Variants in NEMP2 observed in about 807,000 individuals in gnomAD.
NEMP2 encodes nuclear envelope integral membrane protein 2.
Under a neutral mutation model 54.2 loss-of-function variants are expected in NEMP2, and 53 were observed. The ratio of observed to expected loss-of-function variants is 0.98; its 90% CI spans 0.78 to 1.23. The LOEUF is 1.23. Ranked by LOEUF, NEMP2 falls within the 50% of genes most tolerant of loss-of-function variation. NEMP2 has a pLI of 0.00. For synonymous variants in NEMP2, 197 were observed against 190.3 expected, an observed-to-expected ratio of 1.04 and a Z score of -0.29; for missense variants, 455 against 511.3, an observed-to-expected ratio of 0.89 and a Z score of 1.06.
At chr2:190,534,287 T>C (rs12622496) in intron 1 of NEMP2, 307,537 of 1,162,904 alleles carry the variant, frequency 0.26, 42,629 homozygotes, top group Admixed American at 0.48. Flanking sequence ...CGGTTGCTTC[T>C]GTAAAACGAG....
the NEMP2 span, among the ~76,000 whole-genome samples, chr2:190,431,030 TCGCGGCCGGG>T: frequency 1.0e-5 from 1 of 99,402 alleles, no homozygotes; most frequent in South Asian, 3.3e-4. This position sits in a 1 kb window ranked among gnomAD's most constrained non-coding sequence, Gnocchi z 4.4. Context: ...CCAGACGGGG[TCGCGGCCGGG>T]CAGAGGCGCT....
At chr2:190,497,407 A>C in the NEMP2 span, 2 of 1,599,714 alleles carry the variant, frequency 1.3e-6, no homozygotes, top group Non-Finnish European at 1.7e-6. This position sits in a 1 kb window ranked among gnomAD's most constrained non-coding sequence, Gnocchi z 5.2. Flanking sequence ...GAAAATGCTG[A>C]AAAAATAGTT....
At chr2:190,546,975 G>A in the NEMP2 span, among the ~76,000 whole-genome samples, 1 of 152,142 alleles carries the variant, frequency 6.6e-6, no homozygotes, top group East Asian at 1.9e-4. This position sits in a 1 kb window ranked among gnomAD's most constrained non-coding sequence, Gnocchi z 5.1. Flanking sequence ...GAAAAAGGCC[G>A]TCCTTGCTGC....
At chr2:190,552,934 T>C in the NEMP2 span, among the ~76,000 whole-genome samples, 1 of 152,164 alleles carries the variant, frequency 6.6e-6, no homozygotes, top group Non-Finnish European at 1.5e-5. Context: ...AAAATATCTG[T>C]GTCCTAGAAC....
chr2:190,588,614 G>A, the NEMP2 span, among the ~76,000 whole-genome samples: 1 of 152,144 alleles, frequency 6.6e-6, no homozygotes, highest in African/African-American at 2.4e-5. The surrounding 1 kb of genome is among the most constrained non-coding windows in gnomAD (Gnocchi z 5.0). Flanking sequence ...CTGACCTTGT[G>A]GATGGGGTCC....
At chr2:190,439,525 G>A in the NEMP2 span, among the ~76,000 whole-genome samples, 4 of 152,132 alleles carry the variant, frequency 2.6e-5, no homozygotes, top group Middle Eastern at 3.2e-3. The surrounding 1 kb of genome is among the most constrained non-coding windows in gnomAD (Gnocchi z 5.8). Context: ...CCTTTTGTCT[G>A]AGACATATGC....
At chr2:190,472,231 C>CTGGACAGA in the NEMP2 span, among the ~76,000 whole-genome samples, 2 of 152,224 alleles carry the variant, frequency 1.3e-5, no homozygotes, top group Non-Finnish European at 2.9e-5. Context: ...TGGAACAAAG[C>CTGGACAGA]TGGACAGAGA....
At chr2:190,524,425 C>A (rs1690859520) in intron 2 of NEMP2, among the ~76,000 whole-genome samples, 1 of 152,130 alleles carries the variant, frequency 6.6e-6, no homozygotes, top group Non-Finnish European at 1.5e-5. Context: ...ACAAACACTA[C>A]CTTAACCATG....
At chr2:190,517,375 A>G in intron 5 of NEMP2, 145 bp downstream of exon 5, 1 of 594,706 alleles carries the variant, frequency 1.7e-6, no homozygotes, top group Non-Finnish European at 2.9e-6. Context: ...ACTCCAGAAA[A>G]AGATACATTT....
the NEMP2 span, among the ~76,000 whole-genome samples, chr2:190,565,089 C>T: frequency 2.0e-5 from 3 of 152,166 alleles, no homozygotes; most frequent in African/African-American, 7.2e-5. Flanking sequence ...GAACAGTCAA[C>T]TACTCTTGTG....
In NEMP2 at chr2:190,523,941, G is replaced by A. The variant is rs1228684706; in HGVS notation, c.213+1322C>T. On this transcript the variant is annotated intron_variant, in intron 2 of 8. Transcript: ENST00000409150. The surrounding 1 kb of genome is among the most constrained non-coding windows in gnomAD (Gnocchi z 5.3). Reference sequence around the variant, plus strand: ...AATGGTGCCAGGCGCAGTGGCTTGCGCCTGTAATCCCAGCATTCTGGGAGG... The same window carrying A: ...AATGGTGCCAGGCGCAGTGGCTTGCACCTGTAATCCCAGCATTCTGGGAGG... Among the ~76,000 whole-genome samples, 2 of 151,916 alleles carry A rather than the reference G, an allele frequency of 1.3e-5. No individual in the cohort carries two copies. Among genetic ancestry groups the A allele is most frequent in the Admixed American group, 6.6e-5 (1 of 15,258 alleles).
At chr2:190,623,222 C>A in the NEMP2 span, among the ~76,000 whole-genome samples, 1 of 151,988 alleles carries the variant, frequency 6.6e-6, no homozygotes, top group Non-Finnish European at 1.5e-5. Flanking sequence ...GAATTAATAT[C>A]ATTAAAATGA....
chr2:190,490,485 C>T, the NEMP2 span, among the ~76,000 whole-genome samples: 1 of 151,960 alleles, frequency 6.6e-6, no homozygotes, highest in Non-Finnish European at 1.5e-5. The surrounding 1 kb of genome is among the most constrained non-coding windows in gnomAD (Gnocchi z 4.5). Context: ...ATGGCGTGAA[C>T]CCAGGAGGTG....
chr2:190,605,640 G>T, the NEMP2 span, among the ~76,000 whole-genome samples: 2 of 152,176 alleles, frequency 1.3e-5, no homozygotes, highest in South Asian at 4.1e-4. Context: ...GCCTCCCAAA[G>T]TGCTGGGATT....
chr2:190,474,531 C>T, the NEMP2 span, among the ~76,000 whole-genome samples: 7 of 152,174 alleles, frequency 4.6e-5, no homozygotes, highest in Non-Finnish European at 2.9e-5. Flanking sequence ...AGTTGAATCT[C>T]TGAATAGACC....
the NEMP2 span, among the ~76,000 whole-genome samples, chr2:190,487,263 C>T: frequency 6.6e-6 from 1 of 152,176 alleles, no homozygotes. This position sits in a 1 kb window ranked among gnomAD's most constrained non-coding sequence, Gnocchi z 5.5. Context: ...ATCGCTTGAA[C>T]CCAGGAAGCA....
chr2:190,514,222 C>G lies in NEMP2; in HGVS notation c.953+231G>C, dbSNP rs1410804541. ...GACTCTAGTGAATTCTGAGTGAGCT[C>G]TAATTACCTGGTAATTGGTGGTACA... On this transcript the variant is annotated intron_variant, in intron 7 of 8. Transcript: ENST00000409150. This position sits in a 1 kb window ranked among gnomAD's most constrained non-coding sequence, Gnocchi z 5.7. Among the ~76,000 whole-genome samples the G allele has an allele frequency of 6.6e-6, 1 of 152,214 alleles. No homozygotes were observed. The highest frequency in any genetic ancestry group is 1.5e-5 in the Non-Finnish European group (1 of 68,042).
chr2:190,588,978 A>T, the NEMP2 span, among the ~76,000 whole-genome samples: 1 of 152,160 alleles, frequency 6.6e-6, no homozygotes, highest in African/African-American at 2.4e-5. The surrounding 1 kb of genome is among the most constrained non-coding windows in gnomAD (Gnocchi z 5.0). Flanking sequence ...GACAGTATGT[A>T]CCTCACTAGA....
the NEMP2 span, among the ~76,000 whole-genome samples, chr2:190,639,637 T>G: frequency 4.3e-3 from 389 of 89,828 alleles, 1 homozygote; most frequent in African/African-American, 0.017. Flanking sequence ...TATTGTTGAG[T>G]TTTTTTTTTT....
Sources: gnomAD v4.1 joint callset for allele counts (sites outside exome capture counted in the v4.1 genomes callset) on GRCh38, gnomAD v4.1.1 for gene constraint, Gnocchi (gnomAD v3.1) non-coding constraint, MANE v1.5 for transcripts, NCBI Gene and HGNC (gene_info 2026-07-23, HGNC 2026-07-21) for gene names.